FMNL2: variants seen among roughly 807,000 people sequenced by gnomAD.
FMNL2 encodes formin like 2, also known as formin-like protein 2.
Under a neutral mutation model 130.2 loss-of-function variants are expected in FMNL2, and 51 were observed. That is an observed-to-expected ratio of 0.39 (90% CI 0.31 to 0.49). The LOEUF is 0.49. Among genes scored for constraint, FMNL2 ranks in the 20% least tolerant of loss-of-function variants. The pLI, the probability that FMNL2 is intolerant of heterozygous loss-of-function variation, is 0.85. For missense variants in FMNL2, 977 were observed against 1,316.2 expected (o/e 0.74, Z 3.99); for synonymous variants, 465 against 467.1 (o/e 1.00, Z 0.06).
chr2:152,407,645 T>C (rs1048102003), intron 1 of FMNL2, among the ~76,000 whole-genome samples: 4 of 152,274 alleles, frequency 2.6e-5, no homozygotes, highest in Non-Finnish European at 5.9e-5. Flanking sequence ...CCATTGAGTC[T>C]GTTGGCTCTG....
At chr2:152,337,700 C>T (rs1681557315) in intron 1 of FMNL2, among the ~76,000 whole-genome samples, 1 of 152,088 alleles carries the variant, frequency 6.6e-6, no homozygotes, top group South Asian at 2.1e-4. Context: ...CTTCTTGGGG[C>T]AGGGTTGTTG....
intron 1 of FMNL2, among the ~76,000 whole-genome samples, chr2:152,389,556 T>C (rs1318676305): frequency 6.6e-6 from 1 of 152,230 alleles, no homozygotes; most frequent in African/African-American, 2.4e-5. Flanking sequence ...CGAATTCTTA[T>C]GTACCTTTTA....
chr2:152,474,327 T>G (rs1432342609), intron 1 of FMNL2, among the ~76,000 whole-genome samples: 1 of 152,240 alleles, frequency 6.6e-6, no homozygotes, highest in Admixed American at 6.5e-5. Context: ...AAGAGAAATT[T>G]TACCTCTAAA....
At chr2:152,521,162 A>T (rs542135829) in intron 1 of FMNL2, among the ~76,000 whole-genome samples, 1 of 152,340 alleles carries the variant, frequency 6.6e-6, no homozygotes, top group East Asian at 1.9e-4. Flanking sequence ...CTCACTTTGC[A>T]TCCAAACCTA....
intron 6 of FMNL2, among the ~76,000 whole-genome samples, chr2:152,565,098 C>T (rs977585027): frequency 1.2e-4 from 19 of 152,158 alleles, no homozygotes; most frequent in African/African-American, 4.3e-4. Context: ...CATATAGGCA[C>T]ATATGTGCAC....
intron 4 of FMNL2, among the ~76,000 whole-genome samples, chr2:152,555,024 G>A (rs754201175): frequency 8.5e-5 from 13 of 152,172 alleles, no homozygotes; most frequent in East Asian, 1.9e-4. Context: ...ATCTAAGGGC[G>A]TTCTTAAGTG....
At chr2:152,625,988 C>G (rs983961442) in intron 16 of FMNL2, among the ~76,000 whole-genome samples, 1 of 151,778 alleles carries the variant, frequency 6.6e-6, no homozygotes, top group Non-Finnish European at 1.5e-5. Context: ...GGGTTAGAAT[C>G]GGTAGTCTAA....
intron 9 of FMNL2, among the ~76,000 whole-genome samples, chr2:152,585,649 T>C (rs1320031110): frequency 1.3e-5 from 2 of 152,154 alleles, no homozygotes; most frequent in Non-Finnish European, 2.9e-5. Flanking sequence ...TTTGGGGTTC[T>C]GGTCATGCTT....
chr2:152,638,094 C>T (rs2105957695), intron 23 of FMNL2, among the ~76,000 whole-genome samples: 1 of 152,348 alleles, frequency 6.6e-6, no homozygotes, highest in Non-Finnish European at 1.5e-5. Context: ...AGTCATAGCA[C>T]AGGGCTTAGG....
intron 21 of FMNL2, among the ~76,000 whole-genome samples, chr2:152,634,541 A>G (rs1187354807): frequency 6.6e-6 from 1 of 152,274 alleles, no homozygotes; most frequent in Non-Finnish European, 1.5e-5. Flanking sequence ...AGTGAAAAAA[A>G]TCTGTGCTTC....
intron 1 of FMNL2, among the ~76,000 whole-genome samples, chr2:152,443,215 A>C (rs1252987135): frequency 6.6e-6 from 1 of 152,114 alleles, no homozygotes; most frequent in Non-Finnish European, 1.5e-5. Context: ...GGGAGCACTC[A>C]ATGAGCAGAT....
intron 1 of FMNL2, among the ~76,000 whole-genome samples, chr2:152,496,164 G>T (rs1178652769): frequency 6.6e-6 from 1 of 152,014 alleles, no homozygotes; most frequent in Non-Finnish European, 1.5e-5. Context: ...CCTTTTCTGG[G>T]TCCGGGATCT....
At chr2:152,528,642 A>G (rs1055707077) in intron 2 of FMNL2, among the ~76,000 whole-genome samples, 7 of 151,970 alleles carry the variant, frequency 4.6e-5, no homozygotes, top group Non-Finnish European at 1.0e-4. Context: ...ATCTGCAAAC[A>G]CCCTTTTTTC....
chr2:152,533,839 C>T (rs1413804978), intron 2 of FMNL2, among the ~76,000 whole-genome samples: 1 of 152,028 alleles, frequency 6.6e-6, no homozygotes, highest in Non-Finnish European at 1.5e-5. Flanking sequence ...TTAAATTTAT[C>T]TCTAAATGTC....
chr2:152,606,968 C>G (rs1279318689), intron 9 of FMNL2, among the ~76,000 whole-genome samples: 1 of 138,390 alleles, frequency 7.2e-6, no homozygotes, highest in Admixed American at 7.1e-5. Flanking sequence ...GTCTTTTTTC[C>G]TTTTTACAAA....
intron 1 of FMNL2, among the ~76,000 whole-genome samples, chr2:152,383,169 C>T (rs530995930): frequency 3.9e-4 from 58 of 150,510 alleles, no homozygotes; most frequent in African/African-American, 6.4e-4. Flanking sequence ...GGGAGAGATG[C>T]GGATATTAAA....
rs1553478444 is a variant in FMNL2 at position 152,568,223 on chromosome 2, T to TTTTTTTTTTTG, written c.597-6912_597-6902dup. Among the ~76,000 whole-genome samples the TTTTTTTTTTTG allele has an allele frequency of 1.9e-3, 254 of 132,294 alleles. 6 individuals are homozygous for TTTTTTTTTTTG. Among genetic ancestry groups the TTTTTTTTTTTG allele is most frequent in the African/African-American group, 7.3e-3 (250 of 34,348 alleles). 86.8% of individuals were successfully genotyped at this position (132,294 alleles called of 152,430 possible). A position where few individuals can be genotyped will look rare whatever the true frequency, so the allele number is the denominator to read the frequency against. On this transcript the variant is annotated intron_variant, in intron 6 of 25. Coordinates refer to ENST00000288670, the MANE Select transcript of FMNL2 (RefSeq NM_052905.4). ...AACGGCTTCCATTTTGGTGGGTTTTTTTTTTTTTTTGAGACGGAGTCTCAC... is the reference window on the plus strand; with the variant it reads ...AACGGCTTCCATTTTGGTGGGTTTTTTTTTTTTTTTGTTTTTTTTTTGAGACGGAGTCTCAC...
intron 1 of FMNL2, among the ~76,000 whole-genome samples, chr2:152,414,838 T>G (rs944635180): frequency 6.6e-6 from 1 of 152,240 alleles, no homozygotes; most frequent in Non-Finnish European, 1.5e-5. Flanking sequence ...TGCATTCACA[T>G]TAACTGTCAG....
chr2:152,417,256 G>A (rs1160788948), intron 1 of FMNL2, among the ~76,000 whole-genome samples: 1 of 152,202 alleles, frequency 6.6e-6, no homozygotes, highest in Non-Finnish European at 1.5e-5. Context: ...TTTAGGGCCA[G>A]TGATTGAGAG....
Sources: allele counts gnomAD v4.1 joint callset (sites outside exome capture counted in the v4.1 genomes callset), GRCh38; gene constraint gnomAD v4.1.1; transcripts MANE v1.5; gene names NCBI Gene and HGNC (gene_info 2026-07-23, HGNC 2026-07-21).